The following VWA5B2 variants were observed in gnomAD, a reference collection of about 807,000 sequenced individuals.
The protein encoded by VWA5B2 is von Willebrand factor A domain-containing protein 5B2.
VWA5B2 carries 93 observed loss-of-function variants against 118.5 expected under a neutral mutation model. The observed-to-expected ratio is 0.79, with a 90% CI of 0.66 to 0.93. VWA5B2 has a LOEUF of 0.93. VWA5B2 is among the 40% of genes least tolerant of loss of function. The pLI, the probability that VWA5B2 is intolerant of heterozygous loss-of-function variation, is 0.00. For synonymous variants in VWA5B2, 708 were observed against 716.3 expected (o/e 0.99, Z 0.19); for missense variants, 1,546 against 1,672.8 (o/e 0.92, Z 1.32).
chr3:184,235,098 C>T, intron 7 of VWA5B2, 55 bp from the exon 8 acceptor site: 1 of 1,526,658 alleles, frequency 6.6e-7, no homozygotes, highest in South Asian at 1.2e-5. Flanking sequence ...ACTGCCCACC[C>T]TCAACAAAGT....
rs903967920 is a variant in VWA5B2, at chr3:184,241,783, C to A, written c.3474C>A (p.Gly1158=). Residue 1158 remains glycine, a synonymous_variant, in exon 20 of 20, where the codon GGC becomes GGA. Transcript: ENST00000691901. This position sits in a 1 kb window ranked among gnomAD's most constrained non-coding sequence, Gnocchi z 5.1. ...CCTCCGAGGGGGCGGAAGGGCTGGGCGGCACCGACCTGCGGGGCCGGACCT... is the reference window on the plus strand; with the variant it reads ...CCTCCGAGGGGGCGGAAGGGCTGGGAGGCACCGACCTGCGGGGCCGGACCT... The part of the protein sequence containing the change: ...TEASEGAEGL[G]GTDLRGRTWA... 2.0e-6 allele frequency: 3 copies of A among 1,491,864 alleles called. No homozygotes were observed. Among genetic ancestry groups the A allele is most frequent in the South Asian group, 1.3e-5 (1 of 75,296 alleles). The allele number at this position is 1,491,864 out of a possible 1,614,324, so 92.4% of individuals were successfully genotyped here. A position where few individuals can be genotyped will look rare whatever the true frequency, so the allele number is the denominator to read the frequency against.
rs776995518 is a variant in VWA5B2 at position 184,238,888 on chromosome 3, A to C, written c.2202+15A>C. The C allele has an allele frequency of 1.4e-4, 205 of 1,472,562 alleles. No homozygotes were observed. The highest frequency in any genetic ancestry group is 1.7e-4 in the Non-Finnish European group (192 of 1,105,326). 91.2% of individuals were successfully genotyped at this position (1,472,562 alleles called of 1,614,324 possible). A position where few individuals can be genotyped will look rare whatever the true frequency, so the allele number is the denominator to read the frequency against. ...CTCCATTCAAGGTGAGATCCAACCC[A>C]CATTCATTCGCCTTGTATCCAGCAA... On this transcript the variant is annotated intron_variant, in intron 14 of 19. Coordinates refer to ENST00000691901, the MANE Select transcript of VWA5B2 (RefSeq NM_001390846.1). The surrounding 1 kb of genome is among the most constrained non-coding windows in gnomAD (Gnocchi z 5.0).
chr3:184,242,325 T>C lies in VWA5B2; in HGVS notation c.*287T>C. 1.2e-6 allele frequency: 1 copy of C among 823,216 alleles called. No homozygotes were observed. The highest frequency in any genetic ancestry group is 2.0e-6 in the Non-Finnish European group (1 of 495,402). The allele number at this position is 823,216 out of a possible 1,614,324, so 51.0% of individuals were successfully genotyped here. On this transcript the variant is annotated 3_prime_UTR_variant, in exon 20 of 20. Transcript: ENST00000691901. Reference sequence around the variant, plus strand: ...AAATCCTATGCAATAAAGTGCCTCTTAGGACTGCTTGAGTGAATTCTTTAT... The same window carrying C: ...AAATCCTATGCAATAAAGTGCCTCTCAGGACTGCTTGAGTGAATTCTTTAT...
At chr3:184,230,047 A>G (rs997627618) in intron 1 of VWA5B2, among the ~76,000 whole-genome samples, 1 of 152,166 alleles carries the variant, frequency 6.6e-6, no homozygotes, top group Admixed American at 6.5e-5. Context: ...GATCCCTCGC[A>G]GGGCCGGGGG....
In VWA5B2 at chr3:184,240,872, C is replaced by G; in HGVS notation, c.2822C>G (p.Ala941Gly). The change falls in exon 17 of 20, where the codon GCT (alanine) becomes GGT (glycine). Residue 941 changes from alanine to glycine, a missense_variant. By Grantham distance (60) the Ala-to-Gly change is moderately conservative. Coordinates refer to ENST00000691901, the MANE Select transcript of VWA5B2 (RefSeq NM_001390846.1). ...CCCTCCTGCTTCACTTGCCCTGTAG[C>G]TGTGGATGCTACTACTAGGGAGGTC... The part of the protein sequence containing the change: ...SAPSCFTCPV[A>G]VDATTREVLP... The G allele has an allele frequency of 3.2e-6, 5 of 1,551,680 alleles. No individual in the cohort carries two copies. Among genetic ancestry groups the G allele is most frequent in the Non-Finnish European group, 4.4e-6 (5 of 1,146,970 alleles).
intron 16 of VWA5B2, 196 bp from the exon 17 acceptor site, chr3:184,240,595 G>T (rs1431949875): frequency 5.4e-6 from 4 of 746,780 alleles, no homozygotes; most frequent in Non-Finnish European, 8.5e-6. Context: ...CTCTTGCTCT[G>T]CTATGGGTTG....
Position 184,239,388 on chromosome 3 carries a change from A to C in VWA5B2, c.2203-6A>C. The C allele has an allele frequency of 6.5e-7, 1 of 1,532,716 alleles. No individual in the cohort carries two copies. The allele number at this position is 1,532,716 out of a possible 1,614,324, so 94.9% of individuals were successfully genotyped here. On this transcript the variant is annotated splice_polypyrimidine_tract_variant and splice_region_variant and intron_variant, in intron 14 of 19. Transcript: ENST00000691901. The surrounding 1 kb of genome is among the most constrained non-coding windows in gnomAD (Gnocchi z 5.1). ...TTGACCAGTGGCCCCCATATCTCAC[A>C]TGCAGGTGGGGGCCTTGAGTACTGA...
intron 1 of VWA5B2, among the ~76,000 whole-genome samples, 121 bp downstream of exon 1, chr3:184,229,834 G>A (rs555839726): frequency 6.6e-6 from 1 of 152,260 alleles, no homozygotes; most frequent in South Asian, 2.1e-4. Context: ...CCGGGGTAGG[G>A]AGCGGTAACC....
Position 184,230,418 on chromosome 3 carries a change from C to A in VWA5B2, c.-111C>A. 1 of 1,252,080 alleles carries A rather than the reference C, an allele frequency of 8.0e-7. No individual in the cohort carries two copies. The highest frequency in any genetic ancestry group is 1.0e-6 in the Non-Finnish European group (1 of 981,012). 77.6% of individuals were successfully genotyped at this position (1,252,080 alleles called of 1,614,324 possible). A position where few individuals can be genotyped will look rare whatever the true frequency, so the allele number is the denominator to read the frequency against. ...GCCTCGCGCCCCGGCAGGCCCCGTCCGGGTGCTGGAGTGAGACTCTCGCGC... is the reference window on the plus strand; with the variant it reads ...GCCTCGCGCCCCGGCAGGCCCCGTCAGGGTGCTGGAGTGAGACTCTCGCGC... On this transcript the variant is annotated 5_prime_UTR_variant, in exon 2 of 20. Coordinates refer to ENST00000691901, the MANE Select transcript of VWA5B2 (RefSeq NM_001390846.1).
Position 184,230,903 on chromosome 3 carries a change from G to A in VWA5B2, c.296G>A (p.Arg99His). Residue 99 changes from arginine to histidine, a missense_variant, in exon 3 of 20, where the codon CGC becomes CAC. Arg to His is a conservative substitution (Grantham distance 29). Around this residue, in one of 3 missense-constraint regions of VWA5B2, gnomAD observed 775 missense variants for 882.3 expected, o/e 0.88. Transcript: ENST00000691901. ...LGPGLGTPTP[R>H]RCAQGHLVLD... is the part of the protein sequence containing the mutation. ...CCGGGGCTGGGGACCCCGACGCCCC[G>A]CCGCTGCGCGCAGGGTGAGTTCCGC... 4.1e-6 allele frequency: 5 copies of A among 1,219,728 alleles called. No individual in the cohort carries two copies. The highest frequency in any genetic ancestry group is 5.1e-6 in the Non-Finnish European group (5 of 980,616). The allele number at this position is 1,219,728 out of a possible 1,614,324, so 75.6% of individuals were successfully genotyped here.
chr3:184,237,399 C>A lies in VWA5B2; in HGVS notation c.1707C>A (p.Ser569=), dbSNP rs754569497. Residue 569 remains serine (S), a synonymous_variant, in exon 12 of 20, where the codon TCC becomes TCA. Coordinates refer to ENST00000691901, the MANE Select transcript of VWA5B2 (RefSeq NM_001390846.1). This position sits in a 1 kb window ranked among gnomAD's most constrained non-coding sequence, Gnocchi z 5.6. ...TCTTCAGGGTGGATGGCTTCCGGTC[C>A]CGCCCACCAGGGGTAAGCTTGGGCT... The part of the protein sequence containing the change: ...CSLFRVDGFR[S]RPPGGQEPGW... 6.5e-7 allele frequency: 1 copy of A among 1,549,138 alleles called. No homozygotes were observed.
intron 3 of VWA5B2, chr3:184,232,817 A>T (rs998338086): frequency 1.8e-5 from 5 of 273,084 alleles, no homozygotes; most frequent in African/African-American, 9.1e-5. Context: ...GGAGATGTCT[A>T]TCCACAAGGG....
Position 184,241,328 on chromosome 3 carries a change from G to A in VWA5B2, c.3104G>A (p.Arg1035His). The A allele has an allele frequency of 1.3e-6, 2 of 1,551,416 alleles. No individual in the cohort carries two copies. The highest frequency in any genetic ancestry group is 1.7e-6 in the Non-Finnish European group (2 of 1,147,038). ...PRPPCRLSMG[R>H]RHKLCSPDPG... Reference sequence around the variant, plus strand: ...CCTCCCTGTCGGCTCAGCATGGGCCGCCGTCACAAACTCTGTAGCCCTGAC... The same window carrying A: ...CCTCCCTGTCGGCTCAGCATGGGCCACCGTCACAAACTCTGTAGCCCTGAC... The change falls in exon 19 of 20, where the codon CGC becomes CAC. Residue 1035 changes from arginine to histidine, a missense_variant. Transcript: ENST00000691901. The surrounding 1 kb of genome is among the most constrained non-coding windows in gnomAD (Gnocchi z 5.1).
chr3:184,232,644 G>C (rs1487792625), intron 3 of VWA5B2: 1 of 158,626 alleles, frequency 6.3e-6, no homozygotes, highest in Non-Finnish European at 1.4e-5. Flanking sequence ...AGTGTGTGCA[G>C]TGTGCAAATG....
rs1402727308 is a variant in VWA5B2, at chr3:184,236,339, C to G, written c.1213-4C>G. On this transcript the variant is annotated splice_region_variant and splice_polypyrimidine_tract_variant and intron_variant, in intron 9 of 19. Coordinates refer to ENST00000691901, the MANE Select transcript of VWA5B2 (RefSeq NM_001390846.1). ...GCGTCCCAGCCTGTGCCTTCTCGCT[C>G]CAGGATGCTGTGCAGCTGATCTGCG... 1 of 1,548,438 alleles carries G rather than the reference C, an allele frequency of 6.5e-7. No homozygotes were observed. The highest frequency in any genetic ancestry group is 2.5e-5 in the East Asian group (1 of 40,814).
At position 184,237,246 on chromosome 3, in the gene VWA5B2, G is replaced by A; in HGVS notation, c.1554G>A (p.Lys518=). The A allele has an allele frequency of 6.4e-7, 1 of 1,551,534 alleles. No individual in the cohort carries two copies. Among genetic ancestry groups the A allele is most frequent in the African/African-American group, 1.4e-5 (1 of 73,170 alleles). ...CACAGCTGGTACAGGCTCTGCGGAA[G>A]GCACTGGAGCCTGCTTTGAGTGACA... ...LQPMLVQALR[K]ALEPALSDIS... Residue 518 remains lysine, a synonymous_variant, in exon 12 of 20, where the codon AAG becomes AAA. Transcript: ENST00000691901. The surrounding 1 kb of genome is among the most constrained non-coding windows in gnomAD (Gnocchi z 5.6).
chr3:184,241,955 G>C lies in VWA5B2; in HGVS notation c.3646G>C (p.Ala1216Pro). 9.0e-6 allele frequency: 14 copies of C among 1,549,774 alleles called. No individual in the cohort carries two copies. The highest frequency in any genetic ancestry group is 1.2e-5 in the Non-Finnish European group (14 of 1,146,856). ...TGACCTGGCCGCCCTCAAGGCCGCA[G>C]CCCGAGGGCTCTTCCTGCTACTGCG... is the stretch of plus-strand genomic sequence containing the variant. Reference protein sequence around the residue: ...GLDLAALKAAARGLFLLLRHW... With the variant: ...GLDLAALKAAPRGLFLLLRHW... The change falls in exon 20 of 20, where the codon GCC becomes CCC. Residue 1216 changes from alanine to proline, a missense_variant. By Grantham distance (27) the Ala-to-Pro change is conservative. Around this residue, in one of 3 missense-constraint regions of VWA5B2, gnomAD observed 763 missense variants for 766.6 expected, o/e 1.00. Coordinates refer to ENST00000691901, the MANE Select transcript of VWA5B2 (RefSeq NM_001390846.1). This position sits in a 1 kb window ranked among gnomAD's most constrained non-coding sequence, Gnocchi z 5.1.
chr3:184,230,284 C>T, intron 1 of VWA5B2, 96 bp from the exon 2 acceptor site: 1 of 436,216 alleles, frequency 2.3e-6, no homozygotes, highest in Admixed American at 4.6e-5. Context: ...AATCATTAAC[C>T]CTCCGCGGCC....
In VWA5B2 at chr3:184,236,442, C is replaced by T. The variant is rs765175336; in HGVS notation, c.1312C>T (p.Gln438Ter). The T allele has an allele frequency of 1.3e-6, 2 of 1,546,852 alleles. No homozygotes were observed. The highest frequency in any genetic ancestry group is 1.4e-5 in the African/African-American group (1 of 73,196). Residue 438 changes from glutamine (Q) to a stop codon, truncating the protein, a stop_gained, in exon 10 of 20, where the codon CAG becomes TAG. Coordinates refer to ENST00000691901, the MANE Select transcript of VWA5B2 (RefSeq NM_001390846.1). LOFTEE classifies it high-confidence loss of function. ...AALDWAVGQP[Q>*]HRAYPRQLFL... ...TCTGGACTGGGCCGTGGGGCAGCCCCAGCACAGGGCCTACCCTCGGCAGCT... is the reference window on the plus strand; with the variant it reads ...TCTGGACTGGGCCGTGGGGCAGCCCTAGCACAGGGCCTACCCTCGGCAGCT...
Sources: allele counts gnomAD v4.1 joint callset (sites outside exome capture counted in the v4.1 genomes callset), GRCh38; gene constraint gnomAD v4.1.1; regional missense constraint gnomAD v4.1.1; non-coding constraint Gnocchi (gnomAD v3.1); transcripts MANE v1.5; gene names NCBI Gene and HGNC (gene_info 2026-07-23, HGNC 2026-07-21).